NECAB1: variants seen among roughly 807,000 people sequenced by gnomAD.
NECAB1 encodes N-terminal EF-hand calcium binding protein 1.
Under a neutral mutation model 57.5 loss-of-function variants are expected in NECAB1, and 29 were observed. The observed-to-expected ratio is 0.50, with a 90% CI of 0.38 to 0.69. The LOEUF (loss-of-function observed/expected upper bound fraction) is 0.69. Among genes scored for constraint, NECAB1 ranks in the 30% least tolerant of loss-of-function variants. The pLI, the probability that NECAB1 is intolerant of heterozygous loss-of-function variation, is 0.00. For synonymous variants in NECAB1, 142 were observed against 147.7 expected (o/e 0.96, Z 0.28); for missense variants, 372 against 413.8 (o/e 0.90, Z 0.88).
rs547504065 is a variant in NECAB1 at position 90,880,588 on chromosome 8, C to T, written c.260-445C>T. Among the ~76,000 whole-genome samples, 6 of 150,464 alleles carry T rather than the reference C, an allele frequency of 4.0e-5. No individual in the cohort carries two copies. In the East Asian group the frequency reaches 1.2e-3, roughly 29 times the overall value. The stretch of plus-strand genomic sequence containing the variant: ...GTTACATAGAAGGTGCCACAGAAGA[C>T]CCTCTCATGTTTTGCATCACTGACT... On this transcript the variant is annotated intron_variant, in intron 4 of 12. Coordinates refer to ENST00000417640, the MANE Select transcript of NECAB1 (RefSeq NM_022351.5).
chr8:90,907,070 A>G (rs1169820970), intron 5 of NECAB1, among the ~76,000 whole-genome samples: 1 of 149,672 alleles, frequency 6.7e-6, no homozygotes, highest in Non-Finnish European at 1.5e-5. Flanking sequence ...TATCATATAT[A>G]TTTTTAATAA....
Position 90,881,078 on chromosome 8 carries a change from C to A in NECAB1, c.305C>A (p.Ala102Glu). Residue 102 changes from alanine (A) to glutamate (E), a missense_variant, in exon 5 of 13, where the codon GCA (alanine) becomes GAA (glutamate). Coordinates refer to ENST00000417640, the MANE Select transcript of NECAB1 (RefSeq NM_022351.5). ...GGCGAGTATGAGAATGTACTAGCAG[C>A]ACTTGAAGACCTGAATCTTTCCATC... ...HLGEYENVLA[A>E]LEDLNLSILK... is the part of the protein sequence containing the mutation. The A allele has an allele frequency of 1.2e-6, 2 of 1,607,744 alleles. No individual in the cohort carries two copies. The highest frequency in any genetic ancestry group is 1.7e-6 in the Non-Finnish European group (2 of 1,176,932).
chr8:90,880,940 T>A, intron 4 of NECAB1, 93 bp from the exon 5 acceptor site: 1 of 845,218 alleles, frequency 1.2e-6, no homozygotes, highest in Non-Finnish European at 1.9e-6. Flanking sequence ...CATTTTGTTT[T>A]ACTCATTTAA....
At chr8:90,837,179 T>C (rs182284048) in intron 3 of NECAB1, among the ~76,000 whole-genome samples, 265 of 152,390 alleles carry the variant, frequency 1.7e-3, no homozygotes, top group African/African-American at 5.9e-3. Flanking sequence ...AGGTCACCTG[T>C]GCTACTTTGG....
At chr8:90,916,239 T>C (rs536956909) in intron 5 of NECAB1, among the ~76,000 whole-genome samples, 1 of 152,368 alleles carries the variant, frequency 6.6e-6, no homozygotes, top group East Asian at 1.9e-4. Flanking sequence ...AGATTTTCTA[T>C]GCTATTACAT....
intron 1 of NECAB1, among the ~76,000 whole-genome samples, chr8:90,797,457 A>G (rs188683032): frequency 1.3e-5 from 2 of 152,346 alleles, no homozygotes; most frequent in African/African-American, 4.8e-5. Flanking sequence ...AAGCAGTAAA[A>G]CAGACAACTT....
Position 90,954,985 on chromosome 8 carries a change from A to G in NECAB1, c.1031-502A>G, listed in dbSNP as rs1810997796. Among the ~76,000 whole-genome samples the G allele has an allele frequency of 3.9e-5, 5 of 129,512 alleles. 1 individual carries two copies. The South Asian group carries it at 1.2e-3, about 31-fold the overall frequency. The allele number at this position is 129,512 out of a possible 152,430, so 85.0% of individuals were successfully genotyped here. On this transcript the variant is annotated intron_variant, in intron 12 of 12. Coordinates refer to ENST00000417640, the MANE Select transcript of NECAB1 (RefSeq NM_022351.5). ...ATATGTATATATTATGTGTGTACAT[A>G]TATGTATGTATATGTACACATATGC...
intron 6 of NECAB1, among the ~76,000 whole-genome samples, chr8:90,919,452 ACAATGT>A: frequency 6.6e-6 from 1 of 152,204 alleles, no homozygotes; most frequent in Non-Finnish European, 1.5e-5. Flanking sequence ...CCATGTGTTT[ACAATGT>A]CAAAATGAGT....
intron 3 of NECAB1, among the ~76,000 whole-genome samples, chr8:90,847,916 G>A (rs1392305700): frequency 3.9e-5 from 6 of 152,142 alleles, no homozygotes; most frequent in East Asian, 1.9e-4. Context: ...AGGGGCTGCC[G>A]CAAAATTCTC....
intron 1 of NECAB1, among the ~76,000 whole-genome samples, chr8:90,799,423 G>A (rs1044910294): frequency 1.3e-5 from 2 of 151,992 alleles, no homozygotes; most frequent in East Asian, 3.8e-4. Context: ...TTTTCTTATA[G>A]GATTTTTATA....
intron 6 of NECAB1, among the ~76,000 whole-genome samples, chr8:90,922,691 C>T (rs1810152768): frequency 6.6e-6 from 1 of 151,766 alleles, no homozygotes; most frequent in African/African-American, 2.4e-5. Flanking sequence ...CGGGGTTTCA[C>T]CATGTTGGCC....
intron 3 of NECAB1, among the ~76,000 whole-genome samples, chr8:90,854,505 A>G (rs1297815185): frequency 6.6e-6 from 1 of 152,190 alleles, no homozygotes; most frequent in Non-Finnish European, 1.5e-5. Context: ...AATACCAAGG[A>G]ATCCTGAAAA....
At chr8:90,798,464 A>G (rs1046669406) in intron 1 of NECAB1, among the ~76,000 whole-genome samples, 3 of 152,072 alleles carry the variant, frequency 2.0e-5, no homozygotes, top group Admixed American at 6.5e-5. Context: ...TCTTCCCTCT[A>G]TTAGTCCCCA....
intron 5 of NECAB1, among the ~76,000 whole-genome samples, chr8:90,902,880 G>A (rs770067938): frequency 5.3e-5 from 8 of 151,602 alleles, no homozygotes; most frequent in South Asian, 2.1e-4. Context: ...ACATTAACTC[G>A]GAAATAATTT....
At chr8:90,891,127 T>C (rs563092272) in intron 5 of NECAB1, among the ~76,000 whole-genome samples, 5 of 152,348 alleles carry the variant, frequency 3.3e-5, no homozygotes, top group African/African-American at 1.2e-4. Context: ...TGCATTTTCA[T>C]AGAAATTTGG....
intron 10 of NECAB1, among the ~76,000 whole-genome samples, chr8:90,948,809 C>T (rs961218060): frequency 6.6e-6 from 1 of 151,706 alleles, no homozygotes; most frequent in Non-Finnish European, 1.5e-5. Context: ...CTTTATAATA[C>T]CCTCCATACA....
Position 90,898,246 on chromosome 8 carries a change from C to T in NECAB1, c.357+17116C>T, listed in dbSNP as rs997219261. Among the ~76,000 whole-genome samples, 8 of 152,290 alleles carry T rather than the reference C, an allele frequency of 5.3e-5. 1 individual carries two copies. In the South Asian group the frequency reaches 6.2e-4, roughly 12 times the overall value. On this transcript the variant is annotated intron_variant, in intron 5 of 12. Coordinates refer to ENST00000417640, the MANE Select transcript of NECAB1 (RefSeq NM_022351.5). ...TAAGTTTAGATAGGAAGTCAAGGCT[C>T]ACCCCAATGCTCTCTCTCAAGTCTC...
chr8:90,869,198 A>G (rs1293585770), intron 3 of NECAB1, among the ~76,000 whole-genome samples: 1 of 152,220 alleles, frequency 6.6e-6, no homozygotes, highest in Non-Finnish European at 1.5e-5. Flanking sequence ...GATGAATGGA[A>G]ATGCCTGGAT....
At chr8:90,851,037 G>A (rs916835792) in intron 3 of NECAB1, among the ~76,000 whole-genome samples, 5 of 152,116 alleles carry the variant, frequency 3.3e-5, no homozygotes, top group African/African-American at 1.2e-4. Context: ...GTCACCAAGG[G>A]TCAATGATTT....
Sources: gnomAD v4.1 joint callset for allele counts (sites outside exome capture counted in the v4.1 genomes callset) on GRCh38, gnomAD v4.1.1 for gene constraint, MANE v1.5 for transcripts, NCBI Gene and HGNC (gene_info 2026-07-23, HGNC 2026-07-21) for gene names.